The following ZMAT4 variants were observed in gnomAD, a reference collection of about 807,000 sequenced individuals.
The protein encoded by ZMAT4 is zinc finger matrin-type protein 4.
A neutral mutation model predicts 28.7 loss-of-function variants in ZMAT4; 17 were observed. That is an observed-to-expected ratio of 0.59 (90% CI 0.41 to 0.89). ZMAT4 has a LOEUF of 0.89. Among genes scored for constraint, ZMAT4 ranks in the 40% least tolerant of loss-of-function variants. ZMAT4 has a pLI of 0.00. For missense variants in ZMAT4, 240 were observed against 283.8 expected, an observed-to-expected ratio of 0.85 and a Z score of 1.11; for synonymous variants, 117 against 109.2, an observed-to-expected ratio of 1.07 and a Z score of -0.44.
At chr8:40,724,258 G>A (rs1811230393) in intron 3 of ZMAT4, among the ~76,000 whole-genome samples, 1 of 152,102 alleles carries the variant, frequency 6.6e-6, no homozygotes, top group South Asian at 2.1e-4. Flanking sequence ...AATTGGATGG[G>A]GAAAAAGGGA....
chr8:40,669,740 G>C (rs894533001), intron 5 of ZMAT4, among the ~76,000 whole-genome samples: 21 of 152,178 alleles, frequency 1.4e-4, no homozygotes, highest in African/African-American at 4.1e-4. Context: ...TAGTAGTTAA[G>C]TTTTTGAGGA....
chr8:40,595,802 G>A (rs545799395), intron 5 of ZMAT4, among the ~76,000 whole-genome samples: 154 of 152,108 alleles, frequency 1.0e-3, no homozygotes, highest in Non-Finnish European at 1.6e-3. Flanking sequence ...CGCAATGTAA[G>A]GCTGGGCACG....
chr8:40,777,761 A>C (rs1813662619), intron 2 of ZMAT4, among the ~76,000 whole-genome samples: 1 of 152,244 alleles, frequency 6.6e-6, no homozygotes, highest in Admixed American at 6.5e-5. Flanking sequence ...ATGACAAGGC[A>C]GGCAGGGCAG....
intron 5 of ZMAT4, among the ~76,000 whole-genome samples, chr8:40,585,582 C>CT (rs1236295945): frequency 1.3e-5 from 2 of 151,972 alleles, no homozygotes; most frequent in Admixed American, 6.6e-5. Flanking sequence ...AATACTGGAC[C>CT]TTTAAAAAAA....
At position 40,715,888 on chromosome 8, in the gene ZMAT4, C is replaced by T. The variant is rs182632465; in HGVS notation, c.193-18487G>A. On this transcript the variant is annotated intron_variant, in intron 3 of 6. Coordinates refer to ENST00000297737, the MANE Select transcript of ZMAT4 (RefSeq NM_024645.3). ...CAACCCTGACAACAGCCAGGCCCTCCAAGTCATGGAGAAAAACTGCTAAGG... is the reference window on the plus strand; with the variant it reads ...CAACCCTGACAACAGCCAGGCCCTCTAAGTCATGGAGAAAAACTGCTAAGG... Among the ~76,000 whole-genome samples the T allele has an allele frequency of 7.9e-5, 12 of 152,344 alleles. No individual in the cohort carries two copies. The East Asian group carries it at 2.3e-3, about 29-fold the overall frequency.
intron 1 of ZMAT4, among the ~76,000 whole-genome samples, chr8:40,872,759 G>A (rs564174308): frequency 6.6e-6 from 1 of 152,256 alleles, no homozygotes; most frequent in Non-Finnish European, 1.5e-5. Flanking sequence ...TTGAACTCGG[G>A]GGGATGGTTG....
chr8:40,569,610 T>C (rs776572120), intron 6 of ZMAT4, among the ~76,000 whole-genome samples: 2 of 152,212 alleles, frequency 1.3e-5, no homozygotes, highest in Non-Finnish European at 2.9e-5. Flanking sequence ...CATTAGAGTT[T>C]ATGCTCTGTA....
intron 3 of ZMAT4, among the ~76,000 whole-genome samples, chr8:40,765,785 C>G (rs1394315563): frequency 5.1e-4 from 78 of 152,150 alleles, no homozygotes; most frequent in Non-Finnish European, 1.3e-4. Context: ...TTTTTTGCCA[C>G]TTTAAGCTAA....
chr8:40,613,868 G>A (rs926255153), intron 5 of ZMAT4, among the ~76,000 whole-genome samples: 2 of 152,118 alleles, frequency 1.3e-5, no homozygotes, highest in South Asian at 2.1e-4. Flanking sequence ...GGAAGTGTGG[G>A]AGAGTTGGCT....
At chr8:40,754,202 G>A (rs1183185263) in intron 3 of ZMAT4, among the ~76,000 whole-genome samples, 1 of 151,862 alleles carries the variant, frequency 6.6e-6, no homozygotes, top group Non-Finnish European at 1.5e-5. Flanking sequence ...TTTAACAAAT[G>A]GCATGCAAAC....
intron 2 of ZMAT4, among the ~76,000 whole-genome samples, chr8:40,822,965 T>C (rs1430193255): frequency 6.6e-6 from 1 of 152,220 alleles, no homozygotes; most frequent in Non-Finnish European, 1.5e-5. Context: ...GGGTACAGTA[T>C]GTTAACAGGA....
intron 1 of ZMAT4, among the ~76,000 whole-genome samples, chr8:40,852,463 C>T (rs897568469): frequency 1.3e-5 from 2 of 152,164 alleles, no homozygotes; most frequent in African/African-American, 4.8e-5. Flanking sequence ...TCTATTCAAT[C>T]TGTTGTGATA....
At chr8:40,579,744 A>G (rs1255974506) in intron 6 of ZMAT4, among the ~76,000 whole-genome samples, 1 of 152,196 alleles carries the variant, frequency 6.6e-6, no homozygotes, top group East Asian at 1.9e-4. Flanking sequence ...TCACATATTC[A>G]TTTAATCAAA....
chr8:40,711,788 T>C (rs898349198), intron 3 of ZMAT4, among the ~76,000 whole-genome samples: 3 of 152,192 alleles, frequency 2.0e-5, no homozygotes, highest in Admixed American at 6.5e-5. Flanking sequence ...GTCAGGATAG[T>C]GGTTACTTCT....
intron 2 of ZMAT4, among the ~76,000 whole-genome samples, chr8:40,821,856 C>T (rs916809519): frequency 1.3e-5 from 2 of 152,140 alleles, no homozygotes; most frequent in African/African-American, 4.8e-5. Context: ...CACAATGATG[C>T]CAGGGTAGCC....
chr8:40,856,216 A>C (rs1035596494), intron 1 of ZMAT4, among the ~76,000 whole-genome samples: 3 of 152,278 alleles, frequency 2.0e-5, no homozygotes, highest in Middle Eastern at 6.8e-3. Context: ...ATGGGGAACC[A>C]TTAGGAAAGA....
intron 2 of ZMAT4, among the ~76,000 whole-genome samples, chr8:40,772,922 G>A (rs974149088): frequency 1.2e-4 from 19 of 152,068 alleles, no homozygotes; most frequent in African/African-American, 3.4e-4. Context: ...CAAAACAACC[G>A]GCTGATGCGA....
intron 4 of ZMAT4, among the ~76,000 whole-genome samples, chr8:40,680,147 A>G (rs1411517882): frequency 2.0e-5 from 3 of 152,266 alleles, no homozygotes; most frequent in Middle Eastern, 3.4e-3. Context: ...CCCCAAACTT[A>G]TATTTTCTGG....
chr8:40,787,331 C>T (rs1195229663), intron 2 of ZMAT4, among the ~76,000 whole-genome samples: 1 of 152,228 alleles, frequency 6.6e-6, no homozygotes, highest in Non-Finnish European at 1.5e-5. Flanking sequence ...TCAATCAGAA[C>T]ATGTTCTGTC....
Sources: gnomAD v4.1 joint callset for allele counts (sites outside exome capture counted in the v4.1 genomes callset) on GRCh38, gnomAD v4.1.1 for gene constraint, MANE v1.5 for transcripts, NCBI Gene and HGNC (gene_info 2026-07-23, HGNC 2026-07-21) for gene names.